The following NR6A1 variants were observed in gnomAD, a reference collection of about 807,000 sequenced individuals.
The protein encoded by NR6A1 is nuclear receptor subfamily 6 group A member 1.
In NR6A1, 7 loss-of-function variants were observed where a neutral mutation model predicts 59.1. The observed-to-expected ratio is 0.12, with a 90% CI of 0.07 to 0.22. The LOEUF (loss-of-function observed/expected upper bound fraction) is 0.22. NR6A1 is among the 10% of genes least tolerant of loss of function. The pLI, the probability that NR6A1 is intolerant of heterozygous loss-of-function variation, is 1.00. For missense variants in NR6A1, 468 were observed against 611.6 expected (o/e 0.77, Z 2.48); for synonymous variants, 243 against 236.1 (o/e 1.03, Z -0.27).
At chr9:124,541,997 T>G (rs1294036643) in intron 4 of NR6A1, among the ~76,000 whole-genome samples, 1 of 152,148 alleles carries the variant, frequency 6.6e-6, no homozygotes. Flanking sequence ...AGTGGAATGG[T>G]GGCTGCCATG....
intron 1 of NR6A1, 33 bp from the exon 2 acceptor site, chr9:124,733,382 A>G: frequency 6.5e-7 from 1 of 1,529,738 alleles, no homozygotes; most frequent in Non-Finnish European, 9.1e-7. Context: ...AAAAATTACA[A>G]TTTGTGAATT....
At chr9:124,622,287 G>A (rs1836099596) in intron 2 of NR6A1, among the ~76,000 whole-genome samples, 1 of 152,222 alleles carries the variant, frequency 6.6e-6, no homozygotes, top group Non-Finnish European at 1.5e-5. Flanking sequence ...TTACAGAACT[G>A]CAACAAGAAT....
chr9:124,706,612 A>T (rs2131061299), intron 2 of NR6A1, among the ~76,000 whole-genome samples: 1 of 152,184 alleles, frequency 6.6e-6, no homozygotes, highest in East Asian at 1.9e-4. Flanking sequence ...CCCTGGTTCA[A>T]GCGATTCTCC....
rs578165341 is a variant in NR6A1 at position 124,571,063 on chromosome 9, C to T, written c.143-16493G>A. Among the ~76,000 whole-genome samples, 12 of 152,098 alleles carry T rather than the reference C, an allele frequency of 7.9e-5. No homozygotes were observed. In the South Asian group the frequency reaches 2.1e-3, roughly 26 times the overall value. On this transcript the variant is annotated intron_variant, in intron 2 of 9. Transcript: ENST00000487099. ...CAGTCAATACTAAACTAGCAAGAGA[C>T]GATGTAGTGGACACTGAAGAGTGAA...
At chr9:124,664,111 C>G (rs1837530216) in intron 2 of NR6A1, among the ~76,000 whole-genome samples, 1 of 152,092 alleles carries the variant, frequency 6.6e-6, no homozygotes, top group Non-Finnish European at 1.5e-5. Flanking sequence ...AGAAGGAATT[C>G]CTGGGCAAGG....
chr9:124,588,898 C>T (rs1210094424), intron 2 of NR6A1, among the ~76,000 whole-genome samples: 4 of 134,882 alleles, frequency 3.0e-5, no homozygotes, highest in Admixed American at 8.2e-5. Flanking sequence ...CCAGACTGGG[C>T]GACAGAACGA....
At chr9:124,749,812 T>C (rs1025803634) in intron 1 of NR6A1, among the ~76,000 whole-genome samples, 4 of 152,226 alleles carry the variant, frequency 2.6e-5, no homozygotes, top group African/African-American at 9.6e-5. Context: ...TTTTGATACC[T>C]ATTATAAGTT....
At chr9:124,637,920 A>G (rs1836661720) in intron 2 of NR6A1, among the ~76,000 whole-genome samples, 1 of 150,450 alleles carries the variant, frequency 6.6e-6, no homozygotes, top group Non-Finnish European at 1.5e-5. Flanking sequence ...AAAGAAAAAA[A>G]GGGAACTCCA....
At chr9:124,705,658 A>C (rs190901607) in intron 2 of NR6A1, among the ~76,000 whole-genome samples, 4 of 152,282 alleles carry the variant, frequency 2.6e-5, no homozygotes, top group Admixed American at 1.3e-4. Flanking sequence ...TTCACATTTA[A>C]TATAACTACT....
intron 2 of NR6A1, among the ~76,000 whole-genome samples, chr9:124,723,464 T>C (rs902387343): frequency 6.6e-6 from 1 of 152,220 alleles, no homozygotes; most frequent in Non-Finnish European, 1.5e-5. Context: ...AGCTCTTCTA[T>C]TCCTGTGACT....
chr9:124,523,996 A>G (rs1382668230), intron 9 of NR6A1, among the ~76,000 whole-genome samples: 2 of 152,240 alleles, frequency 1.3e-5, no homozygotes, highest in East Asian at 3.8e-4. Flanking sequence ...ATATTGAAAT[A>G]GACCTATTTA....
In NR6A1 at chr9:124,538,127, C is replaced by G. The variant is rs1436335795; in HGVS notation, c.789G>C (p.Leu263=). 1 of 1,613,576 alleles carries G rather than the reference C, an allele frequency of 6.2e-7. No homozygotes were observed. The highest frequency in any genetic ancestry group is 8.5e-7 in the Non-Finnish European group (1 of 1,179,650). ...LIHQLLSAED[L]EPLGTPMLIE... is the part of the protein sequence containing the mutation. ...TCAACATGGGCGTGCCCAATGGTTC[C>G]AGGTCCTCGGCTGATAACAGCTGGT... Residue 263 remains leucine, a synonymous_variant, in exon 6 of 10, where the codon CTG becomes CTC. Transcript: ENST00000487099.
At chr9:124,754,174 G>A (rs1207784418) in intron 1 of NR6A1, among the ~76,000 whole-genome samples, 1 of 152,112 alleles carries the variant, frequency 6.6e-6, no homozygotes, top group Non-Finnish European at 1.5e-5. Flanking sequence ...GAGTAGGAAT[G>A]CTTCAAGAAA....
chr9:124,627,114 G>A (rs936947060), intron 2 of NR6A1, among the ~76,000 whole-genome samples: 5 of 152,194 alleles, frequency 3.3e-5, no homozygotes, highest in African/African-American at 1.2e-4. Context: ...TGCACTAGAT[G>A]TTTCACATAT....
At chr9:124,567,829 TGC>T (rs367734702) in intron 2 of NR6A1, among the ~76,000 whole-genome samples, 3 of 146,720 alleles carry the variant, frequency 2.0e-5, no homozygotes, top group African/African-American at 7.7e-5. Flanking sequence ...TTTAAAAATT[TGC>T]TTTTTTTTTT....
chr9:124,609,103 T>A (rs561603847), intron 2 of NR6A1, among the ~76,000 whole-genome samples: 1 of 152,324 alleles, frequency 6.6e-6, no homozygotes, highest in South Asian at 2.1e-4. Flanking sequence ...ACTCTGATGA[T>A]AGTTTCTATT....
chr9:124,720,957 C>A (rs975160744), intron 2 of NR6A1, among the ~76,000 whole-genome samples: 1 of 152,138 alleles, frequency 6.6e-6, no homozygotes, highest in African/African-American at 2.4e-5. Flanking sequence ...TGAATTTAAG[C>A]AACCCCTTTC....
In NR6A1 at chr9:124,519,384, T is replaced by C. The variant is rs772179348; in HGVS notation, c.*3321A>G. Reference sequence around the variant, plus strand: ...GCTTTGAGACAGATTCTGGGGAATTTCTCCAGATTAACGACGAGACCACCA... The same window carrying C: ...GCTTTGAGACAGATTCTGGGGAATTCCTCCAGATTAACGACGAGACCACCA... On this transcript the variant is annotated 3_prime_UTR_variant, in exon 10 of 10. Coordinates refer to ENST00000487099, the MANE Select transcript of NR6A1 (RefSeq NM_033334.4). 3.3e-5 allele frequency: 5 copies of C among 152,082 alleles called. No homozygotes were observed. The highest frequency in any genetic ancestry group is 2.0e-4 in the Admixed American group (3 of 15,278). 9.4% of individuals were successfully genotyped at this position (152,082 alleles called of 1,614,324 possible).
At chr9:124,597,553 GAAT>G (rs1835313331) in intron 2 of NR6A1, among the ~76,000 whole-genome samples, 1 of 152,160 alleles carries the variant, frequency 6.6e-6, no homozygotes. Context: ...AGGAAAAGAT[GAAT>G]AAGGAGCTAT....
Sources: gnomAD v4.1 joint callset for allele counts (sites outside exome capture counted in the v4.1 genomes callset) on GRCh38, gnomAD v4.1.1 for gene constraint, MANE v1.5 for transcripts, NCBI Gene and HGNC (gene_info 2026-07-23, HGNC 2026-07-21) for gene names.